ADGRV1: variants seen among roughly 807,000 people sequenced by gnomAD.
ADGRV1 encodes G-protein coupled receptor 98.
A neutral mutation model predicts 596.2 loss-of-function variants in ADGRV1; 359 were observed. That is an observed-to-expected ratio of 0.60 (90% confidence interval 0.55 to 0.66). ADGRV1 has a LOEUF of 0.66. ADGRV1 is among the 30% of genes least tolerant of loss of function. ADGRV1 has a pLI of 0.00. For synonymous variants in ADGRV1, 2,681 were observed against 2,679.2 expected (o/e 1.00, Z -0.02); for missense variants, 7,274 against 7,575.6 (o/e 0.96, Z 1.48).
intron 59 of ADGRV1, among the ~76,000 whole-genome samples, chr5:90,766,111 G>T (rs1049921691): frequency 6.6e-6 from 1 of 151,942 alleles, no homozygotes; most frequent in Non-Finnish European, 1.5e-5. Flanking sequence ...GGGTTTCACT[G>T]TGTTAGCCAG....
chr5:91,150,160 T>C lies in ADGRV1; in HGVS notation c.18563T>C (p.Met6188Thr). Residue 6188 changes from methionine to threonine, a missense_variant, in exon 88 of 90, where the codon ATG becomes ACG. This residue lies in a region of ADGRV1 where 1,874 missense variants were observed against 1,970.2 expected (regional missense o/e 0.95). Coordinates refer to ENST00000405460, the MANE Select transcript of ADGRV1 (RefSeq NM_032119.4). Reference protein sequence around the residue: ...STAFFTPGSGMPPAGGEISKS... With the variant: ...STAFFTPGSGTPPAGGEISKS... ...GCCTTTTTCACGCCCGGGAGTGGAATGCCTCCTGCTGGAGGGGAAATCAGC... is the reference window on the plus strand; with the variant it reads ...GCCTTTTTCACGCCCGGGAGTGGAACGCCTCCTGCTGGAGGGGAAATCAGC... The C allele has an allele frequency of 6.3e-7, 1 of 1,596,154 alleles. No homozygotes were observed. Among genetic ancestry groups the C allele is most frequent in the Non-Finnish European group, 8.5e-7 (1 of 1,172,548 alleles).
intron 75 of ADGRV1, among the ~76,000 whole-genome samples, chr5:90,817,252 TG>T (rs1221302363): frequency 2.7e-5 from 4 of 150,446 alleles, no homozygotes; most frequent in Non-Finnish European, 4.4e-5. Flanking sequence ...CACTTTTTGA[TG>T]GGGTTGTTTG....
chr5:91,095,624 A>G (rs1790786752), intron 86 of ADGRV1, among the ~76,000 whole-genome samples: 1 of 152,184 alleles, frequency 6.6e-6, no homozygotes. Context: ...GAAAATATTC[A>G]GATCACGGAA....
At chr5:91,149,955 G>A (rs778682954) in intron 87 of ADGRV1, 75 bp from the exon 88 acceptor site, 19 of 1,230,700 alleles carry the variant, frequency 1.5e-5, no homozygotes, top group African/African-American at 4.6e-5. Flanking sequence ...CTTCAGCTAC[G>A]GTAGCAGGAC....
intron 83 of ADGRV1, among the ~76,000 whole-genome samples, chr5:90,900,852 C>T (rs948712064): frequency 1.3e-5 from 2 of 152,034 alleles, no homozygotes; most frequent in African/African-American, 2.4e-5. Context: ...AAAATATGTC[C>T]CCTACCCCAA....
At chr5:90,798,826 C>T (rs1286650745) in intron 70 of ADGRV1, among the ~76,000 whole-genome samples, 1 of 152,098 alleles carries the variant, frequency 6.6e-6, no homozygotes, top group Non-Finnish European at 1.5e-5. Flanking sequence ...TGACAAAAAC[C>T]ACATGATTAT....
chr5:90,843,197 A>C (rs1394697385), intron 78 of ADGRV1, among the ~76,000 whole-genome samples: 2 of 152,190 alleles, frequency 1.3e-5, no homozygotes, highest in Admixed American at 6.5e-5. Flanking sequence ...AAACATGTGA[A>C]AATGGGCAGA....
intron 3 of ADGRV1, 81 bp downstream of exon 3, chr5:90,618,034 A>G (rs1353954239): frequency 6.1e-5 from 68 of 1,117,590 alleles, no homozygotes; most frequent in Middle Eastern, 4.7e-4. Context: ...TTAACAATCT[A>G]TCTATCTAGA....
At chr5:90,770,193 T>C (rs1025392098) in intron 59 of ADGRV1, among the ~76,000 whole-genome samples, 2 of 152,300 alleles carry the variant, frequency 1.3e-5, no homozygotes, top group Middle Eastern at 3.4e-3. Context: ...AGCAAAGGCA[T>C]GTCTTACATG....
intron 29 of ADGRV1, among the ~76,000 whole-genome samples, chr5:90,686,237 A>G (rs1745624730): frequency 6.6e-6 from 1 of 150,468 alleles, no homozygotes; most frequent in African/African-American, 2.5e-5. Context: ...ATTATACTTT[A>G]AGTTTTAGGG....
intron 70 of ADGRV1, among the ~76,000 whole-genome samples, chr5:90,799,307 C>T (rs571427154): frequency 3.9e-5 from 6 of 152,140 alleles, no homozygotes; most frequent in East Asian, 1.9e-4. Flanking sequence ...AGCCAGATCA[C>T]GAGTGAACTC....
At chr5:91,031,485 C>T (rs1372593684) in intron 85 of ADGRV1, among the ~76,000 whole-genome samples, 1 of 152,164 alleles carries the variant, frequency 6.6e-6, no homozygotes, top group Non-Finnish European at 1.5e-5. Context: ...TCAGAGAAAG[C>T]CACCATAAAG....
intron 88 of ADGRV1, 125 bp downstream of exon 88, chr5:91,150,346 A>C: frequency 1.4e-6 from 1 of 690,576 alleles, no homozygotes; most frequent in Admixed American, 3.5e-5. Context: ...AGAGTACAAG[A>C]TGAATCACAC....
chr5:91,048,027 T>C (rs1785980719), intron 85 of ADGRV1, among the ~76,000 whole-genome samples: 1 of 152,246 alleles, frequency 6.6e-6, no homozygotes, highest in Non-Finnish European at 1.5e-5. Flanking sequence ...GCATAAAGTT[T>C]ATGAATAGGG....
chr5:90,979,018 T>C (rs889759831), intron 84 of ADGRV1, among the ~76,000 whole-genome samples: 3 of 151,968 alleles, frequency 2.0e-5, no homozygotes. Context: ...CCTTAAGACT[T>C]AGGAAAAAAA....
At chr5:91,118,565 C>T (rs1793046900) in intron 87 of ADGRV1, among the ~76,000 whole-genome samples, 1 of 152,044 alleles carries the variant, frequency 6.6e-6, no homozygotes. Flanking sequence ...TGAGAATGAG[C>T]TCAGAGCAGC....
intron 4 of ADGRV1, among the ~76,000 whole-genome samples, chr5:90,620,927 A>G (rs1355721818): frequency 1.3e-5 from 2 of 152,178 alleles, no homozygotes; most frequent in African/African-American, 4.8e-5. Flanking sequence ...CCATTAATTA[A>G]TATTTTCTGA....
At chr5:90,786,014 A>T (rs1006423833) in intron 67 of ADGRV1, among the ~76,000 whole-genome samples, 1 of 152,206 alleles carries the variant, frequency 6.6e-6, no homozygotes, top group Non-Finnish European at 1.5e-5. Flanking sequence ...ATGTCCATCA[A>T]TGATAGACTG....
At chr5:90,919,994 C>CAAAAAAAAAAAAAAAA (rs59122926) in intron 83 of ADGRV1, among the ~76,000 whole-genome samples, 1 of 80,082 alleles carries the variant, frequency 1.2e-5, no homozygotes, top group African/African-American at 4.8e-5. Flanking sequence ...AACTCCATCT[C>CAAAAAAAAAAAAAAAA]AAAAAAAAAA....
Sources: gnomAD v4.1 joint callset for allele counts (sites outside exome capture counted in the v4.1 genomes callset) on GRCh38, gnomAD v4.1.1 for gene constraint, gnomAD v4.1.1 regional missense constraint, MANE v1.5 for transcripts, NCBI Gene and HGNC (gene_info 2026-07-23, HGNC 2026-07-21) for gene names.